TCERG1L: variants seen among roughly 807,000 people sequenced by gnomAD.
The protein encoded by TCERG1L is transcription elongation regulator 1 like, also known as transcription elongation regulator 1-like protein.
TCERG1L carries 37 observed loss-of-function variants against 56.3 expected under a neutral mutation model. The ratio of observed to expected loss-of-function variants is 0.66; its 90% CI spans 0.51 to 0.87. TCERG1L has a LOEUF of 0.87. TCERG1L is among the 40% of genes least tolerant of loss of function. TCERG1L has a pLI of 0.00. For synonymous variants in TCERG1L, 324 were observed against 326.3 expected (o/e 0.99, Z 0.08); for missense variants, 799 against 774.2 (o/e 1.03, Z -0.38).
At chr10:131,094,139 C>T (rs1448469182) in intron 11 of TCERG1L, among the ~76,000 whole-genome samples, 2 of 152,230 alleles carry the variant, frequency 1.3e-5, no homozygotes, top group Non-Finnish European at 2.9e-5. Context: ...CCTTCGCAGG[C>T]ACCGGGCCCC....
At position 131,159,579 on chromosome 10, in the gene TCERG1L, T is replaced by A. The variant is rs981278705; in HGVS notation, c.1034+3543A>T. On this transcript the variant is annotated intron_variant, in intron 6 of 11. Transcript: ENST00000368642. ...CCCTGGAGCTCCCAGTGTGTCTCCATGAGACCCTGGCTGACTCTGGGGAAA... is the reference window on the plus strand; with the variant it reads ...CCCTGGAGCTCCCAGTGTGTCTCCAAGAGACCCTGGCTGACTCTGGGGAAA... Among the ~76,000 whole-genome samples the A allele has an allele frequency of 3.3e-5, 5 of 152,152 alleles. No homozygotes were observed. The South Asian group carries it at 1.0e-3, about 32-fold the overall frequency.
chr10:131,260,579 C>T lies in TCERG1L; in HGVS notation c.671-135G>A. 2 of 1,121,276 alleles carry T rather than the reference C, an allele frequency of 1.8e-6. No homozygotes were observed. Among genetic ancestry groups the T allele is most frequent in the Non-Finnish European group, 2.3e-6 (2 of 871,724 alleles). The allele number at this position is 1,121,276 out of a possible 1,614,324, so 69.5% of individuals were successfully genotyped here. A position where few individuals can be genotyped will look rare whatever the true frequency, so the allele number is the denominator to read the frequency against. On this transcript the variant is annotated intron_variant, in intron 3 of 11. Transcript: ENST00000368642. This position sits in a 1 kb window ranked among gnomAD's most constrained non-coding sequence, Gnocchi z 5.8. ...GCGCTACCCCTCTTTAATGGAGGCC[C>T]ACAGTATGTGCCACCGTCCGCAGAA...
chr10:131,101,707 T>C (rs1845305624), intron 10 of TCERG1L, among the ~76,000 whole-genome samples: 1 of 107,388 alleles, frequency 9.3e-6, no homozygotes, highest in South Asian at 3.1e-4. Flanking sequence ...GCTGATTTTC[T>C]TTTTTTTTTT....
intron 6 of TCERG1L, chr10:131,162,918 G>C: frequency 2.0e-6 from 1 of 508,750 alleles, no homozygotes. Flanking sequence ...ATCAGAGCAG[G>C]ATAGCTCATC....
intron 4 of TCERG1L, among the ~76,000 whole-genome samples, chr10:131,212,577 A>AT (rs1378705655): frequency 5.3e-5 from 8 of 152,222 alleles, no homozygotes. Context: ...GGTCCAGGTG[A>AT]TTTTACAAAT....
intron 6 of TCERG1L, among the ~76,000 whole-genome samples, chr10:131,154,703 C>A (rs1414791968): frequency 6.6e-6 from 1 of 152,198 alleles, no homozygotes; most frequent in Non-Finnish European, 1.5e-5. Context: ...GGAGACCTCC[C>A]TCCCACCTTC....
At chr10:131,292,694 G>A (rs1846643233) in intron 3 of TCERG1L, among the ~76,000 whole-genome samples, 1 of 152,070 alleles carries the variant, frequency 6.6e-6, no homozygotes, top group Admixed American at 6.5e-5. Context: ...GCCACATCGT[G>A]GTTCGGGTTG....
chr10:131,235,975 T>C (rs73398409), intron 4 of TCERG1L, among the ~76,000 whole-genome samples: 7,028 of 152,306 alleles, frequency 0.046, 376 homozygotes, highest in East Asian at 0.23. Flanking sequence ...GTAAATACAG[T>C]GCCTGTAATG....
intron 8 of TCERG1L, among the ~76,000 whole-genome samples, chr10:131,123,709 G>A (rs1397468794): frequency 1.3e-5 from 2 of 152,192 alleles, no homozygotes; most frequent in Middle Eastern, 3.4e-3. Context: ...CCGGCCAGGG[G>A]CCGCTCTGAG....
At chr10:131,240,179 C>A (rs1229293301) in intron 4 of TCERG1L, among the ~76,000 whole-genome samples, 1 of 152,130 alleles carries the variant, frequency 6.6e-6, no homozygotes, top group Non-Finnish European at 1.5e-5. Context: ...GTATTCTGAG[C>A]CTGATGTTGT....
At chr10:131,252,036 C>T (rs538268331) in intron 4 of TCERG1L, among the ~76,000 whole-genome samples, 1 of 152,316 alleles carries the variant, frequency 6.6e-6, no homozygotes, top group South Asian at 2.1e-4. Flanking sequence ...AGGCTTGTTT[C>T]ACTGACCATC....
chr10:131,288,908 C>T (rs540901419), intron 3 of TCERG1L, among the ~76,000 whole-genome samples: 1 of 152,310 alleles, frequency 6.6e-6, no homozygotes, highest in East Asian at 1.9e-4. Flanking sequence ...ACATTTCCAC[C>T]GTCTGGCTTC....
chr10:131,147,572 G>A (rs934912635), intron 6 of TCERG1L, among the ~76,000 whole-genome samples: 13 of 152,230 alleles, frequency 8.5e-5, no homozygotes, highest in African/African-American at 2.4e-4. Flanking sequence ...ACCGAGGCCC[G>A]TTCCAGGTGT....
chr10:131,146,480 G>T, intron 7 of TCERG1L, 26 bp downstream of exon 7: 1 of 1,579,206 alleles, frequency 6.3e-7, no homozygotes, highest in Non-Finnish European at 8.6e-7. Flanking sequence ...TTCAAAGGAG[G>T]TGTAAATAAC....
chr10:131,259,670 C>T (rs1846212893), intron 4 of TCERG1L, among the ~76,000 whole-genome samples: 1 of 152,340 alleles, frequency 6.6e-6, no homozygotes, highest in Admixed American at 6.5e-5. Flanking sequence ...CCTCCGGGCC[C>T]CTGCCCCGAG....
intron 4 of TCERG1L, among the ~76,000 whole-genome samples, chr10:131,185,126 G>C (rs749238921): frequency 3.3e-5 from 5 of 151,918 alleles, no homozygotes; most frequent in South Asian, 4.2e-4. Flanking sequence ...TGTACATATA[G>C]ATAAAAATAT....
rs147143776 is a variant in TCERG1L, at chr10:131,165,415, T to C, written c.945+1382A>G. Reference sequence around the variant, plus strand: ...GGTATTTTACACATGATTTGTAATGTATATTATAACATTATCTTTAAGTTT... The same window carrying C: ...GGTATTTTACACATGATTTGTAATGCATATTATAACATTATCTTTAAGTTT... On this transcript the variant is annotated intron_variant, in intron 5 of 11. Coordinates refer to ENST00000368642, the MANE Select transcript of TCERG1L (RefSeq NM_174937.4). 2.2e-3 allele frequency among the ~76,000 whole-genome samples: 330 copies of C among 152,372 alleles called. 1 individual carries two copies. The highest frequency in any genetic ancestry group is 4.1e-3 in the Non-Finnish European group (280 of 68,040).
rs1381065678 is a variant in TCERG1L at position 131,249,871 on chromosome 10, G to A, written c.856+10388C>T. Among the ~76,000 whole-genome samples the A allele has an allele frequency of 2.6e-5, 4 of 152,274 alleles. No homozygotes were observed. The East Asian group carries it at 7.7e-4, about 29-fold the overall frequency. ...CTCCGCCTGGCAAATAAGAACCTGG[G>A]GAGAGAAAGCAGCACTCTCTGCTTG... On this transcript the variant is annotated intron_variant, in intron 4 of 11. Transcript: ENST00000368642.
intron 4 of TCERG1L, among the ~76,000 whole-genome samples, chr10:131,222,660 G>A (rs975522286): frequency 4.6e-5 from 7 of 152,286 alleles, no homozygotes; most frequent in Admixed American, 6.5e-5. Flanking sequence ...GGGTATGGCC[G>A]AGCCTTTCGG....
Sources: allele counts gnomAD v4.1 joint callset (sites outside exome capture counted in the v4.1 genomes callset), GRCh38; gene constraint gnomAD v4.1.1; non-coding constraint Gnocchi (gnomAD v3.1); transcripts MANE v1.5; gene names NCBI Gene and HGNC (gene_info 2026-07-23, HGNC 2026-07-21).